The following MOV10L1 variants were observed in gnomAD, a reference collection of about 807,000 sequenced individuals.
The protein encoded by MOV10L1 is Mov10 like RNA helicase 1, also known as RNA helicase Mov10l1.
A neutral mutation model predicts 143.8 loss-of-function variants in MOV10L1; 110 were observed. The observed-to-expected ratio is 0.76, with a 90% CI of 0.66 to 0.90. The LOEUF (loss-of-function observed/expected upper bound fraction) is 0.90. MOV10L1 is among the 40% of genes least tolerant of loss of function. MOV10L1 has a pLI of 0.00. For missense variants in MOV10L1, 1,406 were observed against 1,526.8 expected, an observed-to-expected ratio of 0.92 and a Z score of 1.32; for synonymous variants, 593 against 581.1, an observed-to-expected ratio of 1.02 and a Z score of -0.29.
chr22:50,134,720 G>A (rs997931018), intron 15 of MOV10L1, 90 bp downstream of exon 15: 3 of 1,101,954 alleles, frequency 2.7e-6, no homozygotes, highest in East Asian at 2.4e-5. Context: ...CGGCGTGACT[G>A]TCTCTACACA....
chr22:50,135,889 T>C (rs1236843184), intron 15 of MOV10L1, among the ~76,000 whole-genome samples: 1 of 152,204 alleles, frequency 6.6e-6, no homozygotes, highest in Non-Finnish European at 1.5e-5. Flanking sequence ...ATCTTCATGT[T>C]TCTAGTAACA....
intron 15 of MOV10L1, among the ~76,000 whole-genome samples, chr22:50,139,575 T>G (rs2062924708): frequency 6.6e-6 from 1 of 150,920 alleles, no homozygotes; most frequent in African/African-American, 2.4e-5. Context: ...AAAAAGACAC[T>G]GGTAAGACAA....
At chr22:50,103,168 G>A (rs974074824) in intron 3 of MOV10L1, among the ~76,000 whole-genome samples, 2 of 152,246 alleles carry the variant, frequency 1.3e-5, no homozygotes, top group Non-Finnish European at 1.5e-5. Flanking sequence ...CGTGGTTGTA[G>A]CGTGGGAGGG....
At chr22:50,117,768 CT>C (rs1298614179) in intron 9 of MOV10L1, among the ~76,000 whole-genome samples, 1 of 152,124 alleles carries the variant, frequency 6.6e-6, no homozygotes, top group Non-Finnish European at 1.5e-5. Flanking sequence ...CACCTGAAGC[CT>C]GTTTGAAGAT....
At chr22:50,113,356 C>G (rs953269841) in intron 5 of MOV10L1, among the ~76,000 whole-genome samples, 1 of 152,212 alleles carries the variant, frequency 6.6e-6, no homozygotes, top group African/African-American at 2.4e-5. Context: ...TAACCCTGCA[C>G]TCTGAGCAGG....
At chr22:50,129,774 T>C (rs2062619637) in intron 13 of MOV10L1, among the ~76,000 whole-genome samples, 1 of 152,228 alleles carries the variant, frequency 6.6e-6, no homozygotes, top group Non-Finnish European at 1.5e-5. Context: ...TGATTTACTT[T>C]TCTCTGACTT....
chr22:50,150,475 T>G lies in MOV10L1; in HGVS notation c.2728-260T>G, dbSNP rs548515073. ...TGGGGCTCTTACCACTTTGAGAGAT[T>G]CGCAGGAGAGAAAACCAGGCTGCAG... On this transcript the variant is annotated intron_variant, in intron 20 of 26. Transcript: ENST00000262794. Among the ~76,000 whole-genome samples, 12 of 152,248 alleles carry G rather than the reference T, an allele frequency of 7.9e-5. No homozygotes were observed. In the East Asian group the frequency reaches 2.1e-3, roughly 27 times the overall value.
Position 50,149,893 on chromosome 22 carries a change from T to G in MOV10L1, c.2727+179T>G, listed in dbSNP as rs543035875. 5.9e-5 allele frequency among the ~76,000 whole-genome samples: 9 copies of G among 152,342 alleles called. No individual in the cohort carries two copies. The East Asian group carries it at 1.7e-3, about 29-fold the overall frequency. ...TACTTTATTCCTTTTGGACTAGAAG[T>G]GAATGTCTTGACTCATTTACTTGTA... On this transcript the variant is annotated intron_variant, in intron 20 of 26. Transcript: ENST00000262794.
At chr22:50,125,863 T>C (rs1486212580) in intron 11 of MOV10L1, among the ~76,000 whole-genome samples, 2 of 152,016 alleles carry the variant, frequency 1.3e-5, no homozygotes, top group Admixed American at 6.6e-5. Flanking sequence ...TCTCAGCTCA[T>C]TGCAACCTCT....
intron 5 of MOV10L1, 32 bp from the exon 6 acceptor site, chr22:50,113,616 A>G (rs1455603092): frequency 6.2e-7 from 1 of 1,608,522 alleles, no homozygotes; most frequent in African/African-American, 1.3e-5. Context: ...GTGCTGCTGC[A>G]GAGGGATGTC....
chr22:50,137,336 C>A (rs146324428), intron 15 of MOV10L1, among the ~76,000 whole-genome samples: 1 of 152,092 alleles, frequency 6.6e-6, no homozygotes, highest in Non-Finnish European at 1.5e-5. Flanking sequence ...ACAATTTTAT[C>A]TTCTAGGAAT....
chr22:50,149,019 C>T (rs2063225957), intron 19 of MOV10L1, among the ~76,000 whole-genome samples: 1 of 152,224 alleles, frequency 6.6e-6, no homozygotes, highest in South Asian at 2.1e-4. Flanking sequence ...GGGCCTCAGC[C>T]TATTGGCATG....
At chr22:50,104,586 A>G (rs770680996) in intron 3 of MOV10L1, among the ~76,000 whole-genome samples, 9 of 152,202 alleles carry the variant, frequency 5.9e-5, no homozygotes, top group South Asian at 2.1e-4. Flanking sequence ...TGAAATATCT[A>G]TGTATTGGTT....
intron 13 of MOV10L1, 96 bp from the exon 14 acceptor site, chr22:50,133,906 ATTGAC>A (rs1370935787): frequency 8.4e-6 from 8 of 948,032 alleles, no homozygotes; most frequent in Non-Finnish European, 1.3e-5. Flanking sequence ...ATTTTTTTAT[ATTGAC>A]TTAAAGATTG....
chr22:50,110,213 G>A (rs753877107), intron 5 of MOV10L1, among the ~76,000 whole-genome samples: 62 of 152,152 alleles, frequency 4.1e-4, no homozygotes, highest in Non-Finnish European at 7.6e-4. Context: ...ACTTTGGGAG[G>A]CCGAGGTGGG....
chr22:50,108,585 G>C, intron 4 of MOV10L1, 72 bp from the exon 5 acceptor site: 2 of 1,539,144 alleles, frequency 1.3e-6, no homozygotes. Context: ...GGCTGACTTG[G>C]GCGTGTGTTA....
At chr22:50,110,888 G>A (rs559323175) in intron 5 of MOV10L1, among the ~76,000 whole-genome samples, 10 of 152,080 alleles carry the variant, frequency 6.6e-5, no homozygotes, top group East Asian at 1.9e-4. Context: ...CAGAGATCAC[G>A]CCACTGCACT....
At chr22:50,114,677 G>A (rs1446468341) in intron 7 of MOV10L1, 55 bp downstream of exon 7, 1 of 1,596,890 alleles carries the variant, frequency 6.3e-7, no homozygotes, top group Non-Finnish European at 8.5e-7. Flanking sequence ...GGGGCCGTGG[G>A]GTTGTGAGTT....
At position 50,091,857 on chromosome 22, in the gene MOV10L1, C is replaced by G. The variant is rs183015893; in HGVS notation, c.98-144C>G. 1.3e-5 allele frequency: 9 copies of G among 705,378 alleles called. No individual in the cohort carries two copies. In the Admixed American group the frequency reaches 2.7e-4, roughly 21 times the overall value. 43.7% of individuals were successfully genotyped at this position (705,378 alleles called of 1,614,324 possible). On this transcript the variant is annotated intron_variant, in intron 1 of 26. Transcript: ENST00000262794. ...ACAGCACTCTCTGATGGGATTCTCT[C>G]TGTCTCAAGTCAGCCCGTTCGGAGT...
Sources: allele counts gnomAD v4.1 joint callset (sites outside exome capture counted in the v4.1 genomes callset), GRCh38; gene constraint gnomAD v4.1.1; transcripts MANE v1.5; gene names NCBI Gene and HGNC (gene_info 2026-07-23, HGNC 2026-07-21).